The following AFG2A variants were observed in gnomAD, a reference collection of about 807,000 sequenced individuals.
The protein encoded by AFG2A is ATPase family gene 2 protein homolog A.
chr4:123,129,773 G>A, the AFG2A span, among the ~76,000 whole-genome samples: 1 of 152,102 alleles, frequency 6.6e-6, no homozygotes, highest in African/African-American at 2.4e-5. Context: ...GTGATTCAGT[G>A]CCTAATTCAG....
At chr4:122,966,969 C>G in the AFG2A span, among the ~76,000 whole-genome samples, 4 of 151,946 alleles carry the variant, frequency 2.6e-5, no homozygotes, top group Non-Finnish European at 4.4e-5. Flanking sequence ...AGAGTAACTC[C>G]TGTGGTCAAT....
At chr4:123,186,135 A>G in the AFG2A span, among the ~76,000 whole-genome samples, 1 of 152,232 alleles carries the variant, frequency 6.6e-6, no homozygotes, top group South Asian at 2.1e-4. Flanking sequence ...CAGCTTAGTC[A>G]TGCATTCATG....
At chr4:123,034,795 A>T in the AFG2A span, among the ~76,000 whole-genome samples, 1 of 152,190 alleles carries the variant, frequency 6.6e-6, no homozygotes, top group African/African-American at 2.4e-5. Context: ...TTTGCTAAAA[A>T]ATAAAATATA....
chr4:123,108,301 T>C, the AFG2A span, among the ~76,000 whole-genome samples: 1 of 152,140 alleles, frequency 6.6e-6, no homozygotes, highest in African/African-American at 2.4e-5. Flanking sequence ...GAGAATTTAT[T>C]CAGCAACAAA....
At chr4:123,148,394 G>A in the AFG2A span, among the ~76,000 whole-genome samples, 1 of 152,188 alleles carries the variant, frequency 6.6e-6, no homozygotes, top group East Asian at 1.9e-4. Context: ...GAGTAGTGAA[G>A]AGTGGGTGGT....
At chr4:123,132,780 C>CTTTTTT in the AFG2A span, among the ~76,000 whole-genome samples, 1 of 129,216 alleles carries the variant, frequency 7.7e-6, no homozygotes. Context: ...GATTTCAATC[C>CTTTTTT]TTTTTTTTTT....
the AFG2A span, among the ~76,000 whole-genome samples, chr4:122,937,919 G>A: frequency 6.6e-6 from 1 of 152,078 alleles, no homozygotes; most frequent in African/African-American, 2.4e-5. Flanking sequence ...TTTTAATGGA[G>A]GGCAGATAGA....
the AFG2A span, among the ~76,000 whole-genome samples, chr4:123,205,005 ACT>A: frequency 3.9e-5 from 6 of 152,080 alleles, no homozygotes; most frequent in Admixed American, 2.6e-4. Context: ...ATATTTACCA[ACT>A]CTCTACCAGT....
the AFG2A span, among the ~76,000 whole-genome samples, chr4:122,930,774 G>A: frequency 6.6e-6 from 1 of 152,222 alleles, no homozygotes; most frequent in South Asian, 2.1e-4. Context: ...GCAGTAATTC[G>A]TTGACTGGAA....
the AFG2A span, among the ~76,000 whole-genome samples, chr4:123,152,209 A>C: frequency 6.6e-6 from 1 of 152,158 alleles, no homozygotes; most frequent in South Asian, 2.1e-4. Flanking sequence ...CAGCAAACCC[A>C]CCATGGCACA....
chr4:123,071,893 G>A, the AFG2A span, among the ~76,000 whole-genome samples: 2 of 152,192 alleles, frequency 1.3e-5, no homozygotes, highest in South Asian at 4.2e-4. Context: ...AAGTTTTGTT[G>A]ATTATTCATT....
chr4:123,054,508 G>A, the AFG2A span, among the ~76,000 whole-genome samples: 1 of 152,006 alleles, frequency 6.6e-6, no homozygotes, highest in Non-Finnish European at 1.5e-5. Context: ...GACGAGGTCA[G>A]GAGATTGAGA....
At chr4:122,984,364 C>A in the AFG2A span, among the ~76,000 whole-genome samples, 1 of 152,088 alleles carries the variant, frequency 6.6e-6, no homozygotes, top group Non-Finnish European at 1.5e-5. Flanking sequence ...AAGGAGGAGT[C>A]CTTAGGGTTT....
the AFG2A span, among the ~76,000 whole-genome samples, chr4:123,021,390 C>A: frequency 6.6e-6 from 1 of 151,952 alleles, no homozygotes; most frequent in Non-Finnish European, 1.5e-5. Flanking sequence ...ATTTATAGCT[C>A]ACTGTTGCCA....
At chr4:123,186,420 A>G in the AFG2A span, among the ~76,000 whole-genome samples, 1 of 152,174 alleles carries the variant, frequency 6.6e-6, no homozygotes, top group African/African-American at 2.4e-5. Flanking sequence ...ATTTGACATC[A>G]TTGTTTTTGC....
the AFG2A span, among the ~76,000 whole-genome samples, chr4:123,063,454 G>A: frequency 6.6e-6 from 1 of 152,088 alleles, no homozygotes; most frequent in African/African-American, 2.4e-5. Context: ...GCATAAAGAA[G>A]AATGTTTCTG....
chr4:123,238,055 C>A, the AFG2A span, among the ~76,000 whole-genome samples: 1 of 152,210 alleles, frequency 6.6e-6, no homozygotes, highest in African/African-American at 2.4e-5. Context: ...ATCCAACACC[C>A]ACGGAGCCTT....
the AFG2A span, among the ~76,000 whole-genome samples, chr4:123,120,072 A>G: frequency 6.6e-6 from 1 of 152,122 alleles, no homozygotes. Context: ...TCAAGATGAG[A>G]TTTGGGTGTG....
the AFG2A span, among the ~76,000 whole-genome samples, chr4:123,272,775 T>C: frequency 6.6e-6 from 1 of 152,076 alleles, no homozygotes; most frequent in East Asian, 1.9e-4. Context: ...ATAGTTGAGA[T>C]TTATTGTGGA....
Sources: allele counts gnomAD v4.1 joint callset (sites outside exome capture counted in the v4.1 genomes callset), GRCh38; gene constraint gnomAD v4.1.1; transcripts MANE v1.5; gene names NCBI Gene and HGNC (gene_info 2026-07-23, HGNC 2026-07-21).